The following AFF3 variants were observed in gnomAD, a reference collection of about 807,000 sequenced individuals.
AFF3 encodes the protein AF4/FMR2 family member 3.
AFF3 carries 32 observed loss-of-function variants against 129.7 expected under a neutral mutation model. The ratio of observed to expected loss-of-function variants is 0.25; its 90% CI spans 0.19 to 0.33. The LOEUF (loss-of-function observed/expected upper bound fraction) is 0.33, where lower values mean the gene tolerates loss of function less well. Ranked by LOEUF, AFF3 falls within the 10% of genes least tolerant of loss-of-function variation. AFF3 has a pLI of 1.00. For missense variants in AFF3, 1,373 were observed against 1,592.0 expected, an observed-to-expected ratio of 0.86 and a Z score of 2.34; for synonymous variants, 644 against 635.4, an observed-to-expected ratio of 1.01 and a Z score of -0.20.
At chr2:100,081,310 A>G (rs1331826378) in intron 4 of AFF3, among the ~76,000 whole-genome samples, 1 of 151,984 alleles carries the variant, frequency 6.6e-6, no homozygotes, top group Non-Finnish European at 1.5e-5. Context: ...TTCTCTAACC[A>G]GGAAGGAGTT....
chr2:100,083,722 A>G lies in AFF3; in HGVS notation c.53+20680T>C, dbSNP rs1001436602. ...TCTCAGGAAAGACAAAAATGAAAGA[A>G]AGGAACAGAAATGCAGAGACGATGA... On this transcript the variant is annotated intron_variant, in intron 4 of 24. Transcript: ENST00000672756. Among the ~76,000 whole-genome samples, 36 of 151,598 alleles carry G rather than the reference A, an allele frequency of 2.4e-4. 1 individual carries two copies. Among genetic ancestry groups the G allele is most frequent in the Admixed American group, 1.6e-3 (24 of 15,276 alleles).
In AFF3 at chr2:99,942,327, G is replaced by C. The variant is rs185672536; in HGVS notation, c.873+64305C>G. Among the ~76,000 whole-genome samples, 253 of 152,208 alleles carry C rather than the reference G, an allele frequency of 1.7e-3. 2 individuals are homozygous for C. The highest frequency in any genetic ancestry group is 5.8e-3 in the African/African-American group (240 of 41,532). ...GTGGTAGGCAGTCTCCAAGGGCTAC[G>C]TTCACAAGTCTATATTCTAGATGGC... On this transcript the variant is annotated intron_variant, in intron 7 of 24. Transcript: ENST00000672756.
At chr2:99,618,036 C>A (rs551860825) in intron 13 of AFF3, among the ~76,000 whole-genome samples, 21 of 152,158 alleles carry the variant, frequency 1.4e-4, no homozygotes, top group African/African-American at 5.1e-4. Flanking sequence ...CCCCGTGAGG[C>A]AGGATGGTGC....
chr2:99,857,800 G>A (rs1213255218), intron 7 of AFF3, among the ~76,000 whole-genome samples: 3 of 152,112 alleles, frequency 2.0e-5, no homozygotes, highest in African/African-American at 4.8e-5. Context: ...CTACCTTTAA[G>A]TTAGGGAAGT....
chr2:99,852,943 T>C (rs1690258072), intron 7 of AFF3, among the ~76,000 whole-genome samples: 1 of 152,164 alleles, frequency 6.6e-6, no homozygotes, highest in African/African-American at 2.4e-5. Context: ...CCCAAGACCC[T>C]TGGAAGAACC....
chr2:100,007,426 T>C lies in AFF3; in HGVS notation c.209A>G (p.Gln70Arg). 1 of 1,614,148 alleles carries C rather than the reference T, an allele frequency of 6.2e-7. No homozygotes were observed. The highest frequency in any genetic ancestry group is 1.7e-5 in the Admixed American group (1 of 60,014). ...NKGDELSNRI[Q>R]NTLGNYDEMK... is the part of the protein sequence containing the mutation. Reference sequence around the variant, plus strand: ...TTCATCATAATTGCCTAAAGTGTTCTGGATCCGGTTGGAGAGTTCATCCCC... The same window carrying C: ...TTCATCATAATTGCCTAAAGTGTTCCGGATCCGGTTGGAGAGTTCATCCCC... Residue 70 changes from glutamine to arginine, a missense_variant, in exon 6 of 25, where the codon CAG (glutamine) becomes CGG (arginine). By Grantham distance (43) the Gln-to-Arg change is conservative. This residue lies in a region of AFF3 where 255 missense variants were observed against 256.0 expected (regional missense o/e 1.00). Coordinates refer to ENST00000672756, the MANE Select transcript of AFF3 (RefSeq NM_001386135.1).
At chr2:99,732,647 C>A (rs1287159058) in intron 10 of AFF3, among the ~76,000 whole-genome samples, 1 of 152,146 alleles carries the variant, frequency 6.6e-6, no homozygotes, top group Non-Finnish European at 1.5e-5. Flanking sequence ...TGTTCTTCTC[C>A]TGATGGACAT....
At chr2:99,806,982 C>T (rs1157250251) in intron 8 of AFF3, among the ~76,000 whole-genome samples, 1 of 152,166 alleles carries the variant, frequency 6.6e-6, no homozygotes, top group Non-Finnish European at 1.5e-5. Context: ...CCTCTAAGAG[C>T]TCAAAGCTCA....
chr2:99,750,053 A>G (rs1377086818), intron 9 of AFF3, among the ~76,000 whole-genome samples: 1 of 152,232 alleles, frequency 6.6e-6, no homozygotes, highest in Non-Finnish European at 1.5e-5. Context: ...AGAATAAAAT[A>G]GAGGACACTT....
intron 12 of AFF3, among the ~76,000 whole-genome samples, chr2:99,665,090 C>G (rs572552042): frequency 2.0e-5 from 3 of 152,154 alleles, no homozygotes; most frequent in South Asian, 2.1e-4. Context: ...GGAGAAGGGC[C>G]GGGCCACAAA....
At chr2:99,572,073 T>A (rs1055578915) in intron 18 of AFF3, among the ~76,000 whole-genome samples, 1 of 152,144 alleles carries the variant, frequency 6.6e-6, no homozygotes, top group Admixed American at 6.6e-5. Flanking sequence ...ACAGTGATGG[T>A]ATTTTATGAT....
intron 8 of AFF3, among the ~76,000 whole-genome samples, chr2:99,829,416 C>T (rs1036269717): frequency 6.6e-6 from 1 of 152,072 alleles, no homozygotes; most frequent in African/African-American, 2.4e-5. Flanking sequence ...CCAGAATCTA[C>T]AAGGAACTGA....
chr2:99,968,315 A>C (rs1205245595), intron 7 of AFF3, among the ~76,000 whole-genome samples: 1 of 152,084 alleles, frequency 6.6e-6, no homozygotes, highest in Admixed American at 6.5e-5. Flanking sequence ...TTTGCCCTTA[A>C]GTGGATTCTA....
At chr2:99,984,664 A>G (rs570459419) in intron 7 of AFF3, among the ~76,000 whole-genome samples, 2 of 152,296 alleles carry the variant, frequency 1.3e-5, no homozygotes, top group South Asian at 2.1e-4. Context: ...TTCCAGTTCT[A>G]TATGGTCCAA....
chr2:99,915,549 C>T (rs551765902), intron 7 of AFF3, among the ~76,000 whole-genome samples: 4 of 152,216 alleles, frequency 2.6e-5, no homozygotes, highest in East Asian at 3.9e-4. Context: ...GGCTATCCGA[C>T]GCAGGCACAA....
intron 7 of AFF3, among the ~76,000 whole-genome samples, chr2:99,946,491 AAAAAAAAAAAAAAAAAG>A (rs956096674): frequency 9.3e-6 from 1 of 107,120 alleles, no homozygotes; most frequent in Non-Finnish European, 2.2e-5. Flanking sequence ...AAAAAAAAAA[AAAAAAAAAAAAAAAAAG>A]ATGGGGATGG....
At chr2:100,050,509 GTATAA>G in intron 4 of AFF3, among the ~76,000 whole-genome samples, 1 of 152,138 alleles carries the variant, frequency 6.6e-6, no homozygotes, top group South Asian at 2.1e-4. Context: ...GATGTTTCTT[GTATAA>G]AGACTCATGC....
chr2:100,064,117 AAAG>A (rs1687527235), intron 4 of AFF3, among the ~76,000 whole-genome samples: 1 of 152,036 alleles, frequency 6.6e-6, no homozygotes, highest in South Asian at 2.1e-4. Context: ...AAAGAAAAGA[AAAG>A]AAAAGAAAAG....
chr2:99,928,380 C>G (rs1288174289), intron 7 of AFF3, among the ~76,000 whole-genome samples: 1 of 152,088 alleles, frequency 6.6e-6, no homozygotes, highest in African/African-American at 2.4e-5. Flanking sequence ...AATACAAGTT[C>G]AAGGAAGCTT....
Sources: allele counts gnomAD v4.1 joint callset (sites outside exome capture counted in the v4.1 genomes callset), GRCh38; gene constraint gnomAD v4.1.1; regional missense constraint gnomAD v4.1.1; transcripts MANE v1.5; gene names NCBI Gene and HGNC (gene_info 2026-07-23, HGNC 2026-07-21).